Variants in KLF9 observed in about 807,000 individuals in gnomAD.
The protein encoded by KLF9 is KLF transcription factor 9.
KLF9 carries 2 observed loss-of-function variants against 17.3 expected under a neutral mutation model. The observed-to-expected ratio is 0.12, with a 90% CI of 0.05 to 0.36. The LOEUF is 0.36. Ranked by LOEUF, KLF9 falls within the 10% of genes least tolerant of loss-of-function variation. KLF9 has a pLI of 1.00. For synonymous variants in KLF9, 138 were observed against 139.2 expected, an observed-to-expected ratio of 0.99 and a Z score of 0.06; for missense variants, 226 against 333.2, an observed-to-expected ratio of 0.68 and a Z score of 2.51.
chr9:70,392,501 G>A, intron 1 of KLF9, among the ~76,000 whole-genome samples: 1 of 152,148 alleles, frequency 6.6e-6, no homozygotes, highest in South Asian at 2.1e-4. Flanking sequence ...GATCTAACAT[G>A]CCATGATGTT....
chr9:70,405,305 G>A (rs2037248862), intron 1 of KLF9, among the ~76,000 whole-genome samples: 1 of 152,146 alleles, frequency 6.6e-6, no homozygotes, highest in Non-Finnish European at 1.5e-5. Flanking sequence ...AAACTTCATT[G>A]AATACATAAC....
chr9:70,393,956 G>A (rs528411463), intron 1 of KLF9, among the ~76,000 whole-genome samples: 21 of 149,754 alleles, frequency 1.4e-4, no homozygotes, highest in Non-Finnish European at 2.5e-4. Context: ...CAAAGGTTGA[G>A]GCTGCAGTGA....
At chr9:70,412,831 C>G (rs754526559) in intron 1 of KLF9, 28 bp downstream of exon 1, 7 of 1,532,690 alleles carry the variant, frequency 4.6e-6, no homozygotes, top group African/African-American at 2.8e-5. Flanking sequence ...AACCCCAGAG[C>G]TCCGGGGGAG....
intron 1 of KLF9, among the ~76,000 whole-genome samples, chr9:70,399,368 C>G (rs1475765580): frequency 6.6e-6 from 1 of 152,210 alleles, no homozygotes; most frequent in African/African-American, 2.4e-5. Flanking sequence ...ACATAGCTAG[C>G]CCTTCAAAGA....
At chr9:70,392,274 C>T (rs574276081) in intron 1 of KLF9, among the ~76,000 whole-genome samples, 14 of 152,250 alleles carry the variant, frequency 9.2e-5, no homozygotes, top group African/African-American at 1.9e-4. Context: ...AGACACAGGT[C>T]GGGGACAGGG....
intron 1 of KLF9, among the ~76,000 whole-genome samples, chr9:70,407,593 T>C (rs866522429): frequency 1.3e-5 from 2 of 152,158 alleles, no homozygotes; most frequent in Non-Finnish European, 2.9e-5. Flanking sequence ...CTAGGGCAGA[T>C]AGATGGAGGA....
At chr9:70,404,968 G>A (rs1261734407) in intron 1 of KLF9, among the ~76,000 whole-genome samples, 1 of 152,096 alleles carries the variant, frequency 6.6e-6, no homozygotes, top group Non-Finnish European at 1.5e-5. Context: ...CTGTACTGAA[G>A]GTAAAGGCCC....
chr9:70,413,427 C>T lies in KLF9; in HGVS notation c.-64G>A, dbSNP rs1268430332. On this transcript the variant is annotated 5_prime_UTR_variant, in exon 1 of 2. Transcript: ENST00000377126. The surrounding 1 kb of genome is among the most constrained non-coding windows in gnomAD (Gnocchi z 5.6). ...TGGCGGTGGCTGCGGAGGTTCGGCTCGCCCTGCCCTGGCCTCGGACGACGA... is the reference window on the plus strand; with the variant it reads ...TGGCGGTGGCTGCGGAGGTTCGGCTTGCCCTGCCCTGGCCTCGGACGACGA... The T allele has an allele frequency of 1.4e-5, 20 of 1,408,500 alleles. No homozygotes were observed. Among genetic ancestry groups the T allele is most frequent in the Admixed American group, 3.1e-5 (1 of 31,800 alleles). 87.3% of individuals were successfully genotyped at this position (1,408,500 alleles called of 1,614,324 possible).
intron 1 of KLF9, among the ~76,000 whole-genome samples, chr9:70,389,709 C>T (rs2037140365): frequency 6.6e-6 from 1 of 152,186 alleles, no homozygotes; most frequent in African/African-American, 2.4e-5. Context: ...GGAGGACATA[C>T]ACAGGCAGAC....
intron 1 of KLF9, among the ~76,000 whole-genome samples, chr9:70,406,899 GAA>G (rs59573357): frequency 4.9e-4 from 70 of 142,680 alleles, no homozygotes; most frequent in South Asian, 2.5e-3. Flanking sequence ...GAGAGAGAGA[GAA>G]AAAAAAAAAA....
chr9:70,399,890 AT>A (rs1397851242), intron 1 of KLF9, among the ~76,000 whole-genome samples: 10 of 152,314 alleles, frequency 6.6e-5, no homozygotes, highest in Non-Finnish European at 1.3e-4. Context: ...TCAAAGTAGC[AT>A]TTAGAAAACC....
intron 1 of KLF9, among the ~76,000 whole-genome samples, chr9:70,405,185 T>G (rs1030146730): frequency 1.3e-5 from 2 of 152,242 alleles, no homozygotes; most frequent in Non-Finnish European, 2.9e-5. Flanking sequence ...AGAGAGACTT[T>G]TGTGTTTTTG....
At chr9:70,402,300 G>A (rs1368125085) in intron 1 of KLF9, among the ~76,000 whole-genome samples, 1 of 152,132 alleles carries the variant, frequency 6.6e-6, no homozygotes, top group East Asian at 1.9e-4. Context: ...TCACTTTTAT[G>A]TGTTTTTGTT....
At chr9:70,394,142 G>A (rs757901479) in intron 1 of KLF9, among the ~76,000 whole-genome samples, 5 of 152,088 alleles carry the variant, frequency 3.3e-5, no homozygotes, top group Non-Finnish European at 5.9e-5. Context: ...CCAGCACTTT[G>A]GGAGGCTGAG....
chr9:70,397,440 A>T (rs1490334190), intron 1 of KLF9, among the ~76,000 whole-genome samples: 2 of 151,802 alleles, frequency 1.3e-5, no homozygotes. Flanking sequence ...GCACCACTGC[A>T]CTCCAGCCTG....
chr9:70,398,818 T>A lies in KLF9; in HGVS notation c.506-10813A>T, dbSNP rs561995755. Reference sequence around the variant, plus strand: ...ACAACAGATTCTTGCCTCTTTAGGTTCTTGATTCAGCAAAAACTATACATT... The same window carrying A: ...ACAACAGATTCTTGCCTCTTTAGGTACTTGATTCAGCAAAAACTATACATT... On this transcript the variant is annotated intron_variant, in intron 1 of 1. Coordinates refer to ENST00000377126, the MANE Select transcript of KLF9 (RefSeq NM_001206.4). Among the ~76,000 whole-genome samples, 11 of 151,812 alleles carry A rather than the reference T, an allele frequency of 7.2e-5. No homozygotes were observed. In the South Asian group the frequency reaches 1.9e-3, roughly 26 times the overall value.
At chr9:70,407,884 G>C (rs976641289) in intron 1 of KLF9, among the ~76,000 whole-genome samples, 4 of 152,168 alleles carry the variant, frequency 2.6e-5, no homozygotes, top group African/African-American at 9.7e-5. Context: ...GCAGCCTTTT[G>C]CATAGATTGT....
chr9:70,413,973 C>T lies in KLF9; in HGVS notation c.-610G>A, dbSNP rs2037354146. The T allele has an allele frequency of 6.5e-6, 1 of 152,708 alleles. No homozygotes were observed. Among genetic ancestry groups the T allele is most frequent in the Non-Finnish European group, 1.5e-5 (1 of 68,098 alleles). 9.5% of individuals were successfully genotyped at this position (152,708 alleles called of 1,614,324 possible). On this transcript the variant is annotated 5_prime_UTR_variant, in exon 1 of 2. Coordinates refer to ENST00000377126, the MANE Select transcript of KLF9 (RefSeq NM_001206.4). The surrounding 1 kb of genome is among the most constrained non-coding windows in gnomAD (Gnocchi z 5.6). ...TGCTCAGTAACAATTTCGCAGAATCCCATCACGTCACAAACCAAACCCCCT... is the reference window on the plus strand; with the variant it reads ...TGCTCAGTAACAATTTCGCAGAATCTCATCACGTCACAAACCAAACCCCCT...
At chr9:70,393,445 C>T (rs572211920) in intron 1 of KLF9, among the ~76,000 whole-genome samples, 22 of 152,250 alleles carry the variant, frequency 1.4e-4, no homozygotes, top group African/African-American at 5.3e-4. Flanking sequence ...GGCAACCCTC[C>T]CCAGACTCCC....
Sources: gnomAD v4.1 joint callset for allele counts (sites outside exome capture counted in the v4.1 genomes callset) on GRCh38, gnomAD v4.1.1 for gene constraint, Gnocchi (gnomAD v3.1) non-coding constraint, MANE v1.5 for transcripts, NCBI Gene and HGNC (gene_info 2026-07-23, HGNC 2026-07-21) for gene names.